Variants in CALN1 observed in about 807,000 individuals in gnomAD.
The protein encoded by CALN1 is calneuron 1, also known as calcium-binding protein 8.
In CALN1, 17 loss-of-function variants were observed where a neutral mutation model predicts 30.6. The observed-to-expected ratio is 0.56, with a 90% confidence interval of 0.38 to 0.83. The LOEUF is 0.83. Ranked by LOEUF, CALN1 falls within the 40% of genes least tolerant of loss-of-function variation. The pLI is 0.00. For missense variants in CALN1, 291 were observed against 354.9 expected (o/e 0.82, Z 1.45); for synonymous variants, 156 against 131.4 (o/e 1.19, Z -1.28).
At chr7:72,247,378 G>C (rs569876669) in intron 3 of CALN1, among the ~76,000 whole-genome samples, 1 of 151,118 alleles carries the variant, frequency 6.6e-6, no homozygotes, top group Admixed American at 6.6e-5. Flanking sequence ...CTCCAGAATA[G>C]CTGGGACTAC....
chr7:71,914,376 A>T (rs1479159123), intron 5 of CALN1, among the ~76,000 whole-genome samples: 1 of 152,212 alleles, frequency 6.6e-6, no homozygotes, highest in Non-Finnish European at 1.5e-5. Flanking sequence ...CTTGCGAAGG[A>T]CATGATCTCA....
chr7:72,088,429 T>C (rs1232928458), intron 4 of CALN1, among the ~76,000 whole-genome samples: 1 of 152,090 alleles, frequency 6.6e-6, no homozygotes, highest in African/African-American at 2.4e-5. Context: ...CCGGGCGCAG[T>C]GGCTCACACC....
At chr7:72,355,003 G>A (rs6976172) in intron 2 of CALN1, among the ~76,000 whole-genome samples, 2,204 of 151,202 alleles carry the variant, frequency 0.015, 25 homozygotes, top group African/African-American at 0.026. Context: ...TCCACCTCCC[G>A]GGCTCAAGCC....
intron 1 of CALN1, among the ~76,000 whole-genome samples, chr7:72,425,605 A>G (rs758758137): frequency 1.1e-4 from 16 of 152,192 alleles, no homozygotes; most frequent in Non-Finnish European, 1.9e-4. Context: ...CATCGTTACT[A>G]TTGCAGCTAA....
chr7:71,952,776 T>G (rs1796760560), intron 5 of CALN1, among the ~76,000 whole-genome samples: 1 of 152,132 alleles, frequency 6.6e-6, no homozygotes, highest in Non-Finnish European at 1.5e-5. Flanking sequence ...CACCATGCTC[T>G]TGTCGGCTCG....
At chr7:71,843,505 C>A (rs1361432661) in intron 5 of CALN1, among the ~76,000 whole-genome samples, 1 of 152,084 alleles carries the variant, frequency 6.6e-6, no homozygotes, top group Non-Finnish European at 1.5e-5. Flanking sequence ...CACCTGGAGT[C>A]ACAGCTACTT....
chr7:72,317,567 A>C (rs1402283766), intron 2 of CALN1, among the ~76,000 whole-genome samples: 1 of 152,174 alleles, frequency 6.6e-6, no homozygotes, highest in Non-Finnish European at 1.5e-5. Flanking sequence ...GCTGGGCTGC[A>C]AACGCTGGAG....
chr7:72,352,450 C>T (rs1562915020), intron 2 of CALN1, among the ~76,000 whole-genome samples: 1 of 149,128 alleles, frequency 6.7e-6, no homozygotes, highest in East Asian at 2.0e-4. Context: ...AGAAAACATT[C>T]TATAACCATA....
At chr7:72,070,968 A>G (rs932932029) in intron 4 of CALN1, among the ~76,000 whole-genome samples, 1 of 152,226 alleles carries the variant, frequency 6.6e-6, no homozygotes, top group Non-Finnish European at 1.5e-5. Context: ...AAGATGGCAA[A>G]GCAGAGAGCA....
chr7:72,419,706 A>G (rs1341380543), intron 1 of CALN1, among the ~76,000 whole-genome samples: 1 of 152,162 alleles, frequency 6.6e-6, no homozygotes, highest in African/African-American at 2.4e-5. Flanking sequence ...GTGCTCATAA[A>G]AAGAGAAAAG....
At chr7:72,240,710 A>G (rs13244813) in intron 3 of CALN1, among the ~76,000 whole-genome samples, 52,819 of 152,126 alleles carry the variant, frequency 0.35, 10,327 homozygotes, top group Middle Eastern at 0.53. Context: ...TCAAGGCCCT[A>G]TAGTCAGCTG....
At chr7:71,996,175 G>A (rs1203232104) in intron 5 of CALN1, among the ~76,000 whole-genome samples, 4 of 152,052 alleles carry the variant, frequency 2.6e-5, no homozygotes, top group African/African-American at 9.7e-5. Flanking sequence ...ACCTAAACAT[G>A]ACTAAACCTA....
chr7:71,957,419 C>CGTA (rs1175077985), intron 5 of CALN1, among the ~76,000 whole-genome samples: 1 of 152,088 alleles, frequency 6.6e-6, no homozygotes, highest in Non-Finnish European at 1.5e-5. Flanking sequence ...ACACTCTTTT[C>CGTA]GTAGTAAGCA....
At chr7:72,478,797 C>T in the CALN1 span, among the ~76,000 whole-genome samples, 16 of 151,584 alleles carry the variant, frequency 1.1e-4, no homozygotes, top group African/African-American at 3.4e-4. Flanking sequence ...AATTATAGGG[C>T]GTATACTGTA....
chr7:72,483,313 C>T, the CALN1 span, among the ~76,000 whole-genome samples: 1 of 123,194 alleles, frequency 8.1e-6, no homozygotes. Context: ...GAGACAAAGG[C>T]TTGCTCTGTT....
At chr7:71,994,705 G>A (rs1799155455) in intron 5 of CALN1, among the ~76,000 whole-genome samples, 1 of 152,078 alleles carries the variant, frequency 6.6e-6, no homozygotes, top group Non-Finnish European at 1.5e-5. Flanking sequence ...CCTGGAGAAA[G>A]ATGAGTTGCC....
At chr7:71,954,459 C>T (rs899734230) in intron 5 of CALN1, among the ~76,000 whole-genome samples, 3 of 151,396 alleles carry the variant, frequency 2.0e-5, no homozygotes, top group South Asian at 2.1e-4. Context: ...GACTCCATCT[C>T]GAAAACTTAA....
intron 3 of CALN1, among the ~76,000 whole-genome samples, chr7:72,144,598 G>A (rs1326303644): frequency 6.6e-6 from 1 of 152,210 alleles, no homozygotes; most frequent in South Asian, 2.1e-4. Flanking sequence ...TCCAGGAATT[G>A]AACTCAGCTC....
chr7:72,117,515 T>TA (rs1044580227), intron 3 of CALN1, among the ~76,000 whole-genome samples: 8 of 152,068 alleles, frequency 5.3e-5, no homozygotes, highest in African/African-American at 1.9e-4. Flanking sequence ...AGGGAAGGGA[T>TA]ATAACAAGGT....
Sources: gnomAD v4.1 joint callset for allele counts (sites outside exome capture counted in the v4.1 genomes callset) on GRCh38, gnomAD v4.1.1 for gene constraint, MANE v1.5 for transcripts, NCBI Gene and HGNC (gene_info 2026-07-23, HGNC 2026-07-21) for gene names.